Variants in PDGFD observed in about 807,000 individuals in gnomAD.
PDGFD encodes the protein platelet derived growth factor D, also known as platelet-derived growth factor D.
In PDGFD, 30 loss-of-function variants were observed where a neutral mutation model predicts 44.7. The observed-to-expected ratio is 0.67, with a 90% confidence interval of 0.50 to 0.91. The LOEUF (loss-of-function observed/expected upper bound fraction) is 0.91, where lower values mean the gene tolerates loss of function less well. Among genes scored for constraint, PDGFD ranks in the 40% least tolerant of loss-of-function variants. The pLI, the probability that PDGFD is intolerant of heterozygous loss-of-function variation, is 0.00. For missense variants in PDGFD, 445 were observed against 457.8 expected (o/e 0.97, Z 0.25); for synonymous variants, 173 against 168.4 (o/e 1.03, Z -0.21).
chr11:103,956,325 T>C (rs1013082939), intron 3 of PDGFD, among the ~76,000 whole-genome samples: 14 of 151,636 alleles, frequency 9.2e-5, no homozygotes, highest in African/African-American at 3.4e-4. Flanking sequence ...TGGTTTTTTG[T>C]CTTTGCGATA....
intron 1 of PDGFD, among the ~76,000 whole-genome samples, chr11:104,063,409 T>A (rs1055445314): frequency 4.0e-5 from 6 of 151,674 alleles, no homozygotes; most frequent in Non-Finnish European, 5.9e-5. Context: ...AATAATTAGG[T>A]TATCCTGGGA....
chr11:103,981,412 A>G (rs1429379810), intron 3 of PDGFD, among the ~76,000 whole-genome samples: 6 of 151,730 alleles, frequency 4.0e-5, no homozygotes. Context: ...TTATAGCAAT[A>G]GAAAAGGGAC....
At chr11:103,996,299 T>G in intron 2 of PDGFD, 54 bp from the exon 3 acceptor site, 1 of 1,433,380 alleles carries the variant, frequency 7.0e-7, no homozygotes, top group Non-Finnish European at 9.7e-7. Context: ...ATTTTGAAAT[T>G]CATACTTTCA....
intron 1 of PDGFD, among the ~76,000 whole-genome samples, chr11:104,012,119 A>T (rs1006868198): frequency 3.3e-5 from 5 of 152,196 alleles, no homozygotes; most frequent in African/African-American, 1.2e-4. Context: ...TTTCAAGAGA[A>T]TTACTTAACA....
chr11:103,956,459 C>CGTTGTTGG (rs1565294731), intron 3 of PDGFD, among the ~76,000 whole-genome samples: 29 of 102,640 alleles, frequency 2.8e-4, no homozygotes, highest in African/African-American at 8.3e-4. Context: ...TCCAGTCTAT[C>CGTTGTTGG]ACATAAGGAC....
chr11:104,054,809 A>G (rs1254439821), intron 1 of PDGFD, among the ~76,000 whole-genome samples: 1 of 152,250 alleles, frequency 6.6e-6, no homozygotes, highest in Non-Finnish European at 1.5e-5. Flanking sequence ...AAAAGGAAAC[A>G]GGCTAGAGAT....
chr11:103,979,195 AT>A (rs1859227683), intron 3 of PDGFD, among the ~76,000 whole-genome samples: 1 of 151,762 alleles, frequency 6.6e-6, no homozygotes, highest in Non-Finnish European at 1.5e-5. Flanking sequence ...CTTTGGCCAA[AT>A]TTCTTTCTTT....
In PDGFD at chr11:104,102,438, G is replaced by A. The variant is rs1861401595; in HGVS notation, c.124+61366C>T. ...AAAAGTCAGGAAACAACAGGTGCTG[G>A]AGAGGATGTGGAGAAATAGGAACAC... On this transcript the variant is annotated intron_variant, in intron 1 of 6. Coordinates refer to ENST00000393158, the MANE Select transcript of PDGFD (RefSeq NM_025208.5). 2.6e-5 allele frequency among the ~76,000 whole-genome samples: 4 copies of A among 152,288 alleles called. No homozygotes were observed. The South Asian group carries it at 8.3e-4, about 32-fold the overall frequency.
chr11:104,129,150 A>G (rs1861880874), intron 1 of PDGFD, among the ~76,000 whole-genome samples: 1 of 152,152 alleles, frequency 6.6e-6, no homozygotes, highest in South Asian at 2.1e-4. Flanking sequence ...CATAATACAG[A>G]GCTCTGCCTC....
chr11:104,132,835 T>C (rs80209032), intron 1 of PDGFD, among the ~76,000 whole-genome samples: 19,809 of 152,106 alleles, frequency 0.13, 1,427 homozygotes, highest in East Asian at 0.29. Flanking sequence ...TTCATAATGT[T>C]CTGAGAATAT....
chr11:104,095,086 T>C (rs756098257), intron 1 of PDGFD, among the ~76,000 whole-genome samples: 3 of 152,122 alleles, frequency 2.0e-5, no homozygotes, highest in Non-Finnish European at 2.9e-5. Flanking sequence ...TCTTACCTTA[T>C]TCACCTCCAC....
intron 3 of PDGFD, among the ~76,000 whole-genome samples, chr11:103,995,483 A>C (rs991601413): frequency 6.6e-6 from 1 of 152,190 alleles, no homozygotes; most frequent in Non-Finnish European, 1.5e-5. Context: ...GTTTAAGTAG[A>C]GAAAAGGCTA....
At chr11:104,019,338 G>A (rs1417303726) in intron 1 of PDGFD, among the ~76,000 whole-genome samples, 1 of 151,954 alleles carries the variant, frequency 6.6e-6, no homozygotes, top group East Asian at 1.9e-4. Flanking sequence ...CAAGCATTGT[G>A]ACAGAAAATT....
intron 1 of PDGFD, among the ~76,000 whole-genome samples, chr11:104,156,079 A>G (rs753327443): frequency 1.3e-5 from 2 of 152,218 alleles, no homozygotes; most frequent in Non-Finnish European, 2.9e-5. Context: ...AAAGGTAAGT[A>G]TGTGAGGTAA....
At chr11:104,011,853 C>A (rs1859791459) in intron 1 of PDGFD, among the ~76,000 whole-genome samples, 1 of 151,840 alleles carries the variant, frequency 6.6e-6, no homozygotes, top group Admixed American at 6.6e-5. Context: ...TCCATATTCT[C>A]TGGTAAAAAA....
intron 1 of PDGFD, among the ~76,000 whole-genome samples, chr11:104,122,491 C>A (rs1227376834): frequency 6.6e-6 from 1 of 151,882 alleles, no homozygotes; most frequent in Non-Finnish European, 1.5e-5. Flanking sequence ...ATCTATAAAC[C>A]CCCTTGCATT....
intron 1 of PDGFD, among the ~76,000 whole-genome samples, chr11:104,129,019 CT>C (rs1044545992): frequency 2.0e-5 from 3 of 152,078 alleles, no homozygotes; most frequent in African/African-American, 7.2e-5. Flanking sequence ...GACCACCGGC[CT>C]TATAGTAAAC....
chr11:103,973,304 AAT>A (rs1491481022), intron 3 of PDGFD, among the ~76,000 whole-genome samples: 10 of 116,672 alleles, frequency 8.6e-5, no homozygotes, highest in African/African-American at 3.0e-4. Flanking sequence ...ATGCCCGGCC[AAT>A]TTTTTTTTTT....
chr11:104,041,905 T>C (rs1380881675), intron 1 of PDGFD, among the ~76,000 whole-genome samples: 3 of 152,334 alleles, frequency 2.0e-5, no homozygotes, highest in South Asian at 4.1e-4. Context: ...TAAGAGAACA[T>C]TGTGCTTCTT....
Sources: gnomAD v4.1 joint callset for allele counts (sites outside exome capture counted in the v4.1 genomes callset) on GRCh38, gnomAD v4.1.1 for gene constraint, MANE v1.5 for transcripts, NCBI Gene and HGNC (gene_info 2026-07-23, HGNC 2026-07-21) for gene names.